Variants in UBR4 observed in about 807,000 individuals in gnomAD.
UBR4 encodes E3 ubiquitin-protein ligase UBR4.
Under a neutral mutation model 575.6 loss-of-function variants are expected in UBR4, and 124 were observed. The observed-to-expected ratio is 0.22, with a 90% CI of 0.19 to 0.25. UBR4 has a LOEUF of 0.25. Ranked by LOEUF, UBR4 falls within the 10% of genes least tolerant of loss-of-function variation. The pLI, the probability that UBR4 is intolerant of heterozygous loss-of-function variation, is 1.00. For missense variants in UBR4, 4,818 were observed against 6,478.8 expected, an observed-to-expected ratio of 0.74 and a Z score of 8.80; for synonymous variants, 2,455 against 2,473.7, an observed-to-expected ratio of 0.99 and a Z score of 0.22.
intron 21 of UBR4, 118 bp downstream of exon 21, chr1:19,174,836 A>G (rs2090047946): frequency 1.3e-5 from 12 of 937,556 alleles, no homozygotes; most frequent in Non-Finnish European, 1.8e-5. Context: ...CTCAAATCGT[A>G]ACACAGACCA....
Position 19,152,586 on chromosome 1 carries a change from A to T in UBR4, c.6833-110T>A. 1 of 1,394,314 alleles carries T rather than the reference A, an allele frequency of 7.2e-7. No homozygotes were observed. Among genetic ancestry groups the T allele is most frequent in the African/African-American group, 1.4e-5 (1 of 69,790 alleles). 86.4% of individuals were successfully genotyped at this position (1,394,314 alleles called of 1,614,324 possible). Reference sequence around the variant, plus strand: ...CACACTCACACTCTAATCTAAGCAAACTCTGGATTATAACATTTGCATCGG... The same window carrying T: ...CACACTCACACTCTAATCTAAGCAATCTCTGGATTATAACATTTGCATCGG... On this transcript the variant is annotated intron_variant, in intron 46 of 105. Coordinates refer to ENST00000375254, the MANE Select transcript of UBR4 (RefSeq NM_020765.3). This position sits in a 1 kb window ranked among gnomAD's most constrained non-coding sequence, Gnocchi z 4.4.
intron 35 of UBR4, 143 bp downstream of exon 35, chr1:19,162,277 G>A (rs1425281509): frequency 1.0e-6 from 1 of 953,710 alleles, no homozygotes; most frequent in Non-Finnish European, 1.5e-6. Context: ...TGCTCTGAAG[G>A]CCTAGAAAAT....
At chr1:19,187,711 C>T (rs1373107820) in intron 11 of UBR4, among the ~76,000 whole-genome samples, 171 bp from the exon 12 acceptor site, 1 of 152,054 alleles carries the variant, frequency 6.6e-6, no homozygotes, top group African/African-American at 2.4e-5. Context: ...CTGAAGTTCA[C>T]AATCTCCTTG....
In UBR4 at chr1:19,078,017, G is replaced by T; in HGVS notation, c.15283C>A (p.Leu5095Ile). Reference sequence around the variant, plus strand: ...ATGAGATCGACGAGGGCCCAAAAGAGAAGGGAAGAACGGTAAGCGGAATAG... The same window carrying T: ...ATGAGATCGACGAGGGCCCAAAAGATAAGGGAAGAACGGTAAGCGGAATAG... Reference protein sequence around the residue: ...KDYSAYRSSLLFWALVDLIYN... With the variant: ...KDYSAYRSSLIFWALVDLIYN... The change falls in exon 104 of 106, where the codon CTC (leucine) becomes ATC (isoleucine). Residue 5095 changes from leucine to isoleucine, a missense_variant. By Grantham distance (5) the Leu-to-Ile change is conservative (BLOSUM62 2). This residue lies in a region of UBR4 where 212 missense variants were observed against 221.3 expected (regional missense o/e 0.96). Coordinates refer to ENST00000375254, the MANE Select transcript of UBR4 (RefSeq NM_020765.3). 2 of 1,614,126 alleles carry T rather than the reference G, an allele frequency of 1.2e-6. No individual in the cohort carries two copies. The highest frequency in any genetic ancestry group is 1.7e-6 in the Non-Finnish European group (2 of 1,180,012).
intron 104 of UBR4, 163 bp downstream of exon 104, chr1:19,077,813 G>A (rs1198562468): frequency 1.3e-6 from 2 of 1,541,726 alleles, no homozygotes; most frequent in Non-Finnish European, 8.8e-7. Context: ...CAGGCTGCCA[G>A]TGTCAATCCC....
chr1:19,168,106 A>C lies in UBR4; in HGVS notation c.3820T>G (p.Cys1274Gly). ...GCAGCCAGGGGCAGACTTTGGCTAC[A>C]GAGAGTCCCCAGGTGTGCAGCCTGC... ...AVQAAHLGTL[C>G]SQSLPLAASL... The change falls in exon 28 of 106, where the codon TGT becomes GGT. Residue 1274 changes from cysteine (C) to glycine (G), a missense_variant. By Grantham distance (159) the Cys-to-Gly change is radical. Around this residue, in one of 29 missense-constraint regions of UBR4, gnomAD observed 1,172 missense variants for 1,259.7 expected, o/e 0.93. Coordinates refer to ENST00000375254, the MANE Select transcript of UBR4 (RefSeq NM_020765.3). 1 of 1,613,870 alleles carries C rather than the reference A, an allele frequency of 6.2e-7. No homozygotes were observed. The highest frequency in any genetic ancestry group is 1.1e-5 in the South Asian group (1 of 91,062).
intron 89 of UBR4, chr1:19,099,980 C>A: frequency 2.3e-6 from 1 of 444,282 alleles, no homozygotes; most frequent in Non-Finnish European, 4.0e-6. Flanking sequence ...AAATGTCAGA[C>A]CCTCAACGGT....
At chr1:19,128,694 A>G (rs1173622940) in intron 61 of UBR4, among the ~76,000 whole-genome samples, 1 of 152,214 alleles carries the variant, frequency 6.6e-6, no homozygotes, top group Admixed American at 6.5e-5. Flanking sequence ...CCCACACTCT[A>G]ATATCAACAT....
intron 60 of UBR4, among the ~76,000 whole-genome samples, chr1:19,135,672 A>C (rs1210327686): frequency 6.6e-6 from 1 of 152,194 alleles, no homozygotes; most frequent in African/African-American, 2.4e-5. Context: ...TAAGCACAAG[A>C]AACACAAAAG....
At chr1:19,133,680 T>C (rs1220964995) in intron 60 of UBR4, among the ~76,000 whole-genome samples, 1 of 152,110 alleles carries the variant, frequency 6.6e-6, no homozygotes, top group African/African-American at 2.4e-5. Flanking sequence ...CTGGGTGCAG[T>C]GGCTCACACA....
chr1:19,177,778 A>G, intron 18 of UBR4, 35 bp from the exon 19 acceptor site: 2 of 1,597,170 alleles, frequency 1.3e-6, no homozygotes, highest in South Asian at 1.1e-5. Flanking sequence ...ATCTGGTGGG[A>G]AAAAGAGCAT....
chr1:19,204,383 G>A (rs2151782753), intron 1 of UBR4, among the ~76,000 whole-genome samples: 1 of 152,144 alleles, frequency 6.6e-6, no homozygotes, highest in Middle Eastern at 3.4e-3. Flanking sequence ...TATTTCCAAA[G>A]TTCCTGATTT....
chr1:19,158,983 A>C (rs1466109657), intron 39 of UBR4, among the ~76,000 whole-genome samples: 4 of 152,004 alleles, frequency 2.6e-5, no homozygotes, highest in Admixed American at 6.6e-5. Flanking sequence ...CTCTACTAAA[A>C]ATACAAAAAT....
chr1:19,151,342 C>G, intron 48 of UBR4: 1 of 470,940 alleles, frequency 2.1e-6, no homozygotes, highest in Non-Finnish European at 3.9e-6. Context: ...AATTTCATGT[C>G]AATCTGCCTC....
At chr1:19,131,574 C>CA (rs997392032) in intron 60 of UBR4, among the ~76,000 whole-genome samples, 14 of 151,824 alleles carry the variant, frequency 9.2e-5, no homozygotes, top group Admixed American at 1.3e-4. Context: ...CAAGAGATTT[C>CA]AAAAAAAATC....
At chr1:19,193,176 T>G (rs2092232432) in intron 9 of UBR4, among the ~76,000 whole-genome samples, 1 of 152,212 alleles carries the variant, frequency 6.6e-6, no homozygotes, top group Admixed American at 6.5e-5. Context: ...TGACACACAG[T>G]AGGCCCTCAA....
Position 19,185,167 on chromosome 1 carries a change from T to G in UBR4, c.1870A>C (p.Lys624Gln). The G allele has an allele frequency of 6.2e-7, 1 of 1,614,198 alleles. No individual in the cohort carries two copies. The highest frequency in any genetic ancestry group is 1.1e-5 in the South Asian group (1 of 91,088). The change falls in exon 15 of 106, where the codon AAA becomes CAA. Residue 624 changes from lysine (K) to glutamine (Q), a missense_variant. Physicochemically the swap from Lys to Gln is moderately conservative, Grantham distance 53. Transcript: ENST00000375254. ...PPPLESSPRV[K>Q]SPSKQAPGEK... ...CCAGGGGCCTGCTTACTGGGGCTTT[T>G]AACCCGAGGAGAGCTTTCCAGTGGA...
rs553493018 is a variant in UBR4 at position 19,192,494 on chromosome 1, C to T, written c.1190G>A (p.Arg397Gln). Residue 397 changes from arginine (R) to glutamine (Q), a missense_variant, in exon 10 of 106, where the codon CGG becomes CAG. By Grantham distance (43) the Arg-to-Gln change is conservative. Coordinates refer to ENST00000375254, the MANE Select transcript of UBR4 (RefSeq NM_020765.3). ...MIGQAISSSRRAGGEHYQNFQ... is the reference protein window; with the variant it reads ...MIGQAISSSRQAGGEHYQNFQ... ...TACGCTTCTTACCTCACCACCAGCC[C>T]GGCGAGAACTGCTGATTGCTTGTCC... 34 of 1,614,142 alleles carry T rather than the reference C, an allele frequency of 2.1e-5. No homozygotes were observed. The highest frequency in any genetic ancestry group is 2.6e-5 in the Non-Finnish European group (31 of 1,180,026).
chr1:19,118,999 T>C (rs769636288), intron 70 of UBR4, 42 bp from the exon 71 acceptor site: 1 of 1,594,278 alleles, frequency 6.3e-7, no homozygotes, highest in East Asian at 2.2e-5. Flanking sequence ...AAGCCCAAGG[T>C]GAAGTCTTAT....
Sources: gnomAD v4.1 joint callset for allele counts (sites outside exome capture counted in the v4.1 genomes callset) on GRCh38, gnomAD v4.1.1 for gene constraint, gnomAD v4.1.1 regional missense constraint, Gnocchi (gnomAD v3.1) non-coding constraint, MANE v1.5 for transcripts, NCBI Gene and HGNC (gene_info 2026-07-23, HGNC 2026-07-21) for gene names.